The following NAV3 variants were observed in gnomAD, a reference collection of about 807,000 sequenced individuals.
The protein encoded by NAV3 is pore membrane and/or filament interacting like protein 1.
Under a neutral mutation model 244.7 loss-of-function variants are expected in NAV3, and 87 were observed. The ratio of observed to expected loss-of-function variants is 0.36; its 90% CI spans 0.30 to 0.42. The LOEUF is 0.42. Ranked by LOEUF, NAV3 falls within the 20% of genes least tolerant of loss-of-function variation. The pLI is 1.00. For synonymous variants in NAV3, 1,126 were observed against 1,042.2 expected (o/e 1.08, Z -1.55); for missense variants, 2,663 against 2,893.3 (o/e 0.92, Z 1.83).
At chr12:77,601,738 T>C (rs1870441728) in intron 2 of NAV3, among the ~76,000 whole-genome samples, 1 of 152,016 alleles carries the variant, frequency 6.6e-6, no homozygotes, top group Admixed American at 6.6e-5. Context: ...CTTAGGCTCC[T>C]GAAGAATAGA....
chr12:77,655,929 G>T (rs1873077006), intron 2 of NAV3, among the ~76,000 whole-genome samples: 1 of 143,638 alleles, frequency 7.0e-6, no homozygotes, highest in Non-Finnish European at 1.5e-5. Flanking sequence ...TCACCACCAG[G>T]CCTGCCCTAA....
chr12:77,996,052 C>T (rs1426406963), intron 6 of NAV3, among the ~76,000 whole-genome samples: 3 of 152,022 alleles, frequency 2.0e-5, no homozygotes, highest in Non-Finnish European at 4.4e-5. Flanking sequence ...TTAATTTGTT[C>T]TTCTAAGGAC....
intron 2 of NAV3, among the ~76,000 whole-genome samples, chr12:77,588,437 T>C (rs1015558206): frequency 6.6e-6 from 1 of 152,156 alleles, no homozygotes; most frequent in Non-Finnish European, 1.5e-5. Context: ...TTTACTGTTA[T>C]ATTTGACCAG....
chr12:77,899,720 A>C (rs191499644), intron 1 of NAV3, among the ~76,000 whole-genome samples: 1 of 152,302 alleles, frequency 6.6e-6, no homozygotes, highest in African/African-American at 2.4e-5. Context: ...TAAATAATAA[A>C]ATGAGGCATA....
At chr12:78,189,549 C>T (rs1006594497) in intron 33 of NAV3, among the ~76,000 whole-genome samples, 11 of 141,058 alleles carry the variant, frequency 7.8e-5, no homozygotes, top group African/African-American at 2.4e-4. Context: ...AAAGAAAGAA[C>T]ACACACACAC....
At chr12:77,972,159 G>T (rs1403995802) in intron 5 of NAV3, among the ~76,000 whole-genome samples, 1 of 151,922 alleles carries the variant, frequency 6.6e-6, no homozygotes, top group Non-Finnish European at 1.5e-5. Context: ...TAGGTGCATG[G>T]GTCATGTGCT....
intron 12 of NAV3, among the ~76,000 whole-genome samples, chr12:78,066,900 C>G (rs1248611594): frequency 6.6e-6 from 1 of 152,060 alleles, no homozygotes; most frequent in African/African-American, 2.4e-5. Flanking sequence ...AAGTTCAAAT[C>G]TAAATACATA....
At chr12:77,613,970 C>T (rs555456584) in intron 2 of NAV3, among the ~76,000 whole-genome samples, 4 of 151,474 alleles carry the variant, frequency 2.6e-5, no homozygotes, top group East Asian at 2.0e-4. Context: ...TGTATGATTA[C>T]GTAAAAGTGG....
chr12:77,610,501 G>C (rs754009169), intron 2 of NAV3, among the ~76,000 whole-genome samples: 1 of 152,050 alleles, frequency 6.6e-6, no homozygotes, highest in Non-Finnish European at 1.5e-5. Flanking sequence ...AGATGTGTCA[G>C]TTTGTGGAAT....
chr12:78,103,728 C>T (rs890525791), intron 12 of NAV3, among the ~76,000 whole-genome samples: 1 of 152,172 alleles, frequency 6.6e-6, no homozygotes, highest in African/African-American at 2.4e-5. Context: ...GAGGAAGATG[C>T]AAACGCAGAA....
chr12:77,754,275 A>G (rs1285273651), intron 2 of NAV3, among the ~76,000 whole-genome samples: 1 of 152,110 alleles, frequency 6.6e-6, no homozygotes, highest in Non-Finnish European at 1.5e-5. Flanking sequence ...CCCCAGTCAC[A>G]TGGAGCCAGT....
At chr12:77,719,635 A>G (rs1876521077) in intron 2 of NAV3, among the ~76,000 whole-genome samples, 1 of 152,052 alleles carries the variant, frequency 6.6e-6, no homozygotes, top group South Asian at 2.1e-4. Flanking sequence ...TGTATCCCAG[A>G]GATAAATTTC....
intron 2 of NAV3, among the ~76,000 whole-genome samples, chr12:77,772,103 A>G (rs1870121282): frequency 6.6e-6 from 1 of 152,160 alleles, no homozygotes; most frequent in African/African-American, 2.4e-5. Context: ...TACAAATTTG[A>G]TAACATTATT....
At chr12:78,189,020 A>G (rs571303422) in intron 33 of NAV3, among the ~76,000 whole-genome samples, 7 of 151,898 alleles carry the variant, frequency 4.6e-5, no homozygotes, top group Non-Finnish European at 1.0e-4. Context: ...AAGACTCACA[A>G]AAAGGAATGT....
At chr12:78,105,929 C>A (rs1694584500) in intron 12 of NAV3, among the ~76,000 whole-genome samples, 1 of 151,374 alleles carries the variant, frequency 6.6e-6, no homozygotes, top group Non-Finnish European at 1.5e-5. Context: ...CAAATATTTA[C>A]TTAATAATCT....
intron 22 of NAV3, among the ~76,000 whole-genome samples, chr12:78,150,656 C>CACACACACACACACACACAT (rs1957045404): frequency 1.4e-5 from 2 of 147,312 alleles, no homozygotes. Context: ...CACACACACA[C>CACACACACACACACACACAT]ACACACACAC....
chr12:77,690,927 T>A (rs1183935851), intron 2 of NAV3, among the ~76,000 whole-genome samples: 1 of 151,046 alleles, frequency 6.6e-6, no homozygotes, highest in East Asian at 2.0e-4. Context: ...AAAACTAAGG[T>A]CTTCAAAATG....
intron 11 of NAV3, among the ~76,000 whole-genome samples, chr12:78,052,661 A>T (rs565392973): frequency 6.6e-6 from 1 of 152,180 alleles, no homozygotes; most frequent in Admixed American, 6.5e-5. Flanking sequence ...TATAATTATC[A>T]TTTTTGTATG....
chr12:78,055,417 A>G (rs1050244975), intron 11 of NAV3, among the ~76,000 whole-genome samples: 1 of 152,234 alleles, frequency 6.6e-6, no homozygotes, highest in African/African-American at 2.4e-5. Flanking sequence ...CATGCAATAT[A>G]TGCAAGAATA....
Sources: allele counts gnomAD v4.1 joint callset (sites outside exome capture counted in the v4.1 genomes callset), GRCh38; gene constraint gnomAD v4.1.1; transcripts MANE v1.5; gene names NCBI Gene and HGNC (gene_info 2026-07-23, HGNC 2026-07-21).